Variants in ARID4B observed in about 807,000 individuals in gnomAD.
The protein encoded by ARID4B is AT-rich interaction domain 4B.
In ARID4B, 26 loss-of-function variants were observed where a neutral mutation model predicts 147.5. The ratio of observed to expected loss-of-function variants is 0.18; its 90% confidence interval spans 0.13 to 0.24. The LOEUF is 0.24. ARID4B is among the 10% of genes least tolerant of loss of function. The pLI is 1.00. For missense variants in ARID4B, 1,179 were observed against 1,511.5 expected (o/e 0.78, Z 3.65); for synonymous variants, 512 against 507.9 (o/e 1.01, Z -0.11).
chr1:235,221,884 C>CTTTTTTTTTTTTTTTT, intron 13 of ARID4B, among the ~76,000 whole-genome samples: 1 of 78,552 alleles, frequency 1.3e-5, no homozygotes, highest in Non-Finnish European at 2.4e-5. Flanking sequence ...AGTCATTTGA[C>CTTTTTTTTTTTTTTTT]TATTTTTTTT....
rs1669727099 is a variant in ARID4B, at chr1:235,252,828, A to T, written c.275-19T>A. 2 of 1,602,754 alleles carry T rather than the reference A, an allele frequency of 1.2e-6. No homozygotes were observed. Among genetic ancestry groups the T allele is most frequent in the Admixed American group, 3.4e-5 (2 of 58,506 alleles). On this transcript the variant is annotated intron_variant, in intron 5 of 23. Coordinates refer to ENST00000264183, the MANE Select transcript of ARID4B (RefSeq NM_016374.6). ...TCAAAAACTATGAGAGGGGGTAAAA[A>T]TGGAAGCTACTGAAGGATTTTTTCA...
intron 3 of ARID4B, among the ~76,000 whole-genome samples, chr1:235,258,263 T>A (rs1206463696): frequency 6.6e-6 from 1 of 151,896 alleles, no homozygotes; most frequent in Non-Finnish European, 1.5e-5. Flanking sequence ...ACCAGGGAGG[T>A]GGAGGTTGCA....
intron 4 of ARID4B, 91 bp downstream of exon 4, chr1:235,257,069 A>G: frequency 1.1e-6 from 1 of 875,282 alleles, no homozygotes; most frequent in Non-Finnish European, 1.9e-6. Flanking sequence ...GAATTTATCA[A>G]CTCAATAACA....
At chr1:235,309,511 C>A (rs1294717857) in intron 2 of ARID4B, among the ~76,000 whole-genome samples, 1 of 146,738 alleles carries the variant, frequency 6.8e-6, no homozygotes, top group Non-Finnish European at 1.5e-5. Context: ...AAGTGAGGAG[C>A]CCCTCTGCCC....
intron 2 of ARID4B, among the ~76,000 whole-genome samples, chr1:235,277,939 C>T (rs1360732187): frequency 1.3e-5 from 2 of 152,154 alleles, no homozygotes; most frequent in Non-Finnish European, 2.9e-5. Flanking sequence ...TCTTTTGAGT[C>T]ACCAGTAATT....
At chr1:235,288,727 A>G (rs1672141575) in intron 2 of ARID4B, among the ~76,000 whole-genome samples, 1 of 152,228 alleles carries the variant, frequency 6.6e-6, no homozygotes, top group South Asian at 2.1e-4. Context: ...GCTTCTGGGT[A>G]GGTATCAAAA....
intron 17 of ARID4B, among the ~76,000 whole-genome samples, chr1:235,210,458 G>A (rs1666641602): frequency 6.6e-6 from 1 of 152,122 alleles, no homozygotes; most frequent in African/African-American, 2.4e-5. Context: ...TACAGCTGAT[G>A]AGGATTTGTT....
chr1:235,180,127 CTTG>C (rs1312358747), intron 20 of ARID4B: 2 of 127,300 alleles, frequency 1.6e-5, no homozygotes, highest in South Asian at 2.7e-4. Flanking sequence ...TCTTTCTTTT[CTTG>C]TTTTTTCTTT....
intron 11 of ARID4B, among the ~76,000 whole-genome samples, chr1:235,226,184 G>C (rs1667813970): frequency 6.6e-6 from 1 of 152,130 alleles, no homozygotes; most frequent in African/African-American, 2.4e-5. Flanking sequence ...GCACCAAAAG[G>C]TTTGGTAGCT....
chr1:235,305,458 A>T (rs530104297), intron 2 of ARID4B, among the ~76,000 whole-genome samples: 1 of 152,304 alleles, frequency 6.6e-6, no homozygotes, highest in South Asian at 2.1e-4. Flanking sequence ...CTAGATATCC[A>T]AGTAAAGATA....
chr1:235,257,318 T>C (rs1670045144), intron 3 of ARID4B, 93 bp from the exon 4 acceptor site: 10 of 842,264 alleles, frequency 1.2e-5, no homozygotes, highest in Non-Finnish European at 1.8e-5. Context: ...AAAAGAAATA[T>C]AAAATAATAG....
intron 2 of ARID4B, among the ~76,000 whole-genome samples, chr1:235,271,492 T>A (rs1250058886): frequency 6.6e-6 from 1 of 151,460 alleles, no homozygotes; most frequent in African/African-American, 2.4e-5. Flanking sequence ...TAGCCAGGCA[T>A]GGTGGTAGGC....
chr1:235,229,471 A>C, intron 10 of ARID4B, 86 bp from the exon 11 acceptor site: 10 of 951,704 alleles, frequency 1.1e-5, no homozygotes, highest in Non-Finnish European at 6.5e-6. Flanking sequence ...AAGAAATAAA[A>C]ACTACTGTGC....
At chr1:235,189,415 A>G (rs1378153941) in intron 19 of ARID4B, among the ~76,000 whole-genome samples, 1 of 151,410 alleles carries the variant, frequency 6.6e-6, no homozygotes, top group African/African-American at 2.4e-5. Context: ...AAAAAAAAAA[A>G]AAAAAAAAAT....
chr1:235,253,968 T>C (rs1318130398), intron 5 of ARID4B, among the ~76,000 whole-genome samples: 1 of 152,180 alleles, frequency 6.6e-6, no homozygotes, highest in Non-Finnish European at 1.5e-5. Context: ...TGAACTAAAA[T>C]TAGATTCTTA....
At chr1:235,251,064 T>C (rs1190853936) in intron 6 of ARID4B, among the ~76,000 whole-genome samples, 2 of 152,166 alleles carry the variant, frequency 1.3e-5, no homozygotes, top group African/African-American at 4.8e-5. Context: ...CAAAGCTGTC[T>C]GTATTTATTG....
At chr1:235,186,744 G>T (rs1232507099) in intron 19 of ARID4B, among the ~76,000 whole-genome samples, 1 of 145,530 alleles carries the variant, frequency 6.9e-6, no homozygotes, top group Non-Finnish European at 1.5e-5. Context: ...TGTTTTTTTT[G>T]AGACAGGGTC....
At chr1:235,294,678 G>C (rs934407230) in intron 2 of ARID4B, among the ~76,000 whole-genome samples, 3 of 150,586 alleles carry the variant, frequency 2.0e-5, no homozygotes, top group Admixed American at 2.0e-4. Flanking sequence ...ACACCCGGCT[G>C]ATTTTTTGTA....
chr1:235,292,635 C>T (rs527816690), intron 2 of ARID4B, among the ~76,000 whole-genome samples: 1 of 149,326 alleles, frequency 6.7e-6, no homozygotes, highest in Admixed American at 6.7e-5. Flanking sequence ...AAAAAAAATT[C>T]CAAATTTTCC....
Sources: gnomAD v4.1 joint callset for allele counts (sites outside exome capture counted in the v4.1 genomes callset) on GRCh38, gnomAD v4.1.1 for gene constraint, MANE v1.5 for transcripts, NCBI Gene and HGNC (gene_info 2026-07-23, HGNC 2026-07-21) for gene names.